OPCML: variants seen among roughly 807,000 people sequenced by gnomAD.
The protein encoded by OPCML is opioid-binding protein/cell adhesion molecule.
A neutral mutation model predicts 37.8 loss-of-function variants in OPCML; 13 were observed. The ratio of observed to expected loss-of-function variants is 0.34; its 90% CI spans 0.22 to 0.55. The LOEUF is 0.55. Among genes scored for constraint, OPCML ranks in the 20% least tolerant of loss-of-function variants. The pLI is 0.91. For missense variants in OPCML, 341 were observed against 435.6 expected (o/e 0.78, Z 1.93); for synonymous variants, 176 against 168.8 (o/e 1.04, Z -0.33).
intron 1 of OPCML, among the ~76,000 whole-genome samples, chr11:132,977,737 G>A (rs1015913582): frequency 1.3e-5 from 2 of 152,200 alleles, no homozygotes; most frequent in Non-Finnish European, 2.9e-5. Context: ...ACTTGCTAAA[G>A]TAGGGAGCAG....
chr11:132,604,612 A>G (rs78572233), intron 3 of OPCML, among the ~76,000 whole-genome samples: 2,358 of 152,330 alleles, frequency 0.015, 93 homozygotes, highest in East Asian at 0.057. Flanking sequence ...AATAAGATTT[A>G]TCCTCTTCCC....
chr11:132,485,657 C>A (rs1279681101), intron 4 of OPCML, among the ~76,000 whole-genome samples: 1 of 152,198 alleles, frequency 6.6e-6, no homozygotes, highest in Non-Finnish European at 1.5e-5. Context: ...ACTATGTAAT[C>A]TTTTGTGGCT....
At chr11:132,732,529 C>G (rs987973078) in intron 2 of OPCML, among the ~76,000 whole-genome samples, 1 of 152,098 alleles carries the variant, frequency 6.6e-6, no homozygotes, top group Non-Finnish European at 1.5e-5. Context: ...GTGGCTATAA[C>G]AGTCATCATC....
chr11:132,768,333 T>C (rs1946526188), intron 2 of OPCML, among the ~76,000 whole-genome samples: 1 of 152,108 alleles, frequency 6.6e-6, no homozygotes, highest in African/African-American at 2.4e-5. Context: ...ATTCCGTCGA[T>C]CTCTACATGA....
intron 4 of OPCML, among the ~76,000 whole-genome samples, chr11:132,445,454 G>A (rs558714949): frequency 1.3e-5 from 2 of 152,318 alleles, no homozygotes; most frequent in East Asian, 3.9e-4. Context: ...ACCGGGAAAA[G>A]TTAAAGAGGA....
intron 1 of OPCML, among the ~76,000 whole-genome samples, chr11:133,107,780 A>C (rs1949184004): frequency 6.6e-6 from 1 of 151,634 alleles, no homozygotes; most frequent in African/African-American, 2.4e-5. Flanking sequence ...CTCTCTTGAC[A>C]CTGAAGATTG....
At chr11:133,140,730 C>A (rs796185671) in intron 1 of OPCML, among the ~76,000 whole-genome samples, 4,150 of 26,512 alleles carry the variant, frequency 0.16, 209 homozygotes, top group African/African-American at 0.23. Flanking sequence ...CGGAAGACGA[C>A]GACGACGACG....
intron 1 of OPCML, among the ~76,000 whole-genome samples, chr11:133,253,859 C>CCTT: frequency 6.8e-6 from 1 of 146,094 alleles, no homozygotes; most frequent in Non-Finnish European, 1.5e-5. Flanking sequence ...CCTTCCCTTC[C>CCTT]CTTCCCTTCC....
chr11:132,674,812 T>C (rs1304261097), intron 2 of OPCML, among the ~76,000 whole-genome samples: 1 of 152,172 alleles, frequency 6.6e-6, no homozygotes, highest in East Asian at 1.9e-4. Flanking sequence ...AGTTGCAATA[T>C]CCCTCTCTAA....
intron 1 of OPCML, among the ~76,000 whole-genome samples, chr11:133,474,147 T>C (rs2137011995): frequency 6.6e-6 from 1 of 152,346 alleles, no homozygotes; most frequent in East Asian, 1.9e-4. Flanking sequence ...TCATACATAG[T>C]TATATTCTTA....
At chr11:133,213,376 G>A (rs952689968) in intron 1 of OPCML, among the ~76,000 whole-genome samples, 14 of 152,018 alleles carry the variant, frequency 9.2e-5, no homozygotes, top group African/African-American at 2.9e-4. Context: ...TAACCTCATT[G>A]CATAATGAAC....
chr11:133,091,075 T>C (rs143192805), intron 1 of OPCML, among the ~76,000 whole-genome samples: 68 of 152,290 alleles, frequency 4.5e-4, no homozygotes, highest in African/African-American at 1.6e-3. Context: ...CTAACATCTC[T>C]GTTTCTCACA....
At chr11:133,056,786 T>A (rs926767999) in intron 1 of OPCML, among the ~76,000 whole-genome samples, 1 of 152,236 alleles carries the variant, frequency 6.6e-6, no homozygotes, top group African/African-American at 2.4e-5. Flanking sequence ...ATTGTTTTCT[T>A]TGTGAAACAG....
At chr11:132,774,455 G>C (rs143101425) in intron 2 of OPCML, among the ~76,000 whole-genome samples, 1 of 152,188 alleles carries the variant, frequency 6.6e-6, no homozygotes, top group African/African-American at 2.4e-5. Flanking sequence ...ATGATGAAGT[G>C]GGACATAGTG....
intron 2 of OPCML, among the ~76,000 whole-genome samples, chr11:132,941,910 G>A (rs1013922198): frequency 1.3e-5 from 2 of 152,182 alleles, no homozygotes; most frequent in Non-Finnish European, 2.9e-5. Context: ...GGGAGGAACA[G>A]GAAGAACCCC....
At chr11:132,675,223 C>T (rs948896063) in intron 2 of OPCML, among the ~76,000 whole-genome samples, 1 of 146,794 alleles carries the variant, frequency 6.8e-6, no homozygotes, top group Non-Finnish European at 1.5e-5. Flanking sequence ...ATATATAAAA[C>T]GTTATATATG....
intron 2 of OPCML, 35 bp downstream of exon 2, chr11:132,942,891 A>G (rs760676673): frequency 6.2e-7 from 1 of 1,612,088 alleles, no homozygotes. Flanking sequence ...ACCACAGCCC[A>G]GGGGCTCGGC....
At chr11:133,433,251 C>CAAAAAAAAAAAAAAAAAAAAAAAAAAA (rs71477795) in intron 1 of OPCML, among the ~76,000 whole-genome samples, 2 of 90,718 alleles carry the variant, frequency 2.2e-5, no homozygotes, top group African/African-American at 9.2e-5. Context: ...GACTCCGTCT[C>CAAAAAAAAAAAAAAAAAAAAAAAAAAA]AAAAAAAAAA....
At chr11:132,810,629 T>G (rs1465028956) in intron 2 of OPCML, among the ~76,000 whole-genome samples, 3 of 152,114 alleles carry the variant, frequency 2.0e-5, no homozygotes, top group Non-Finnish European at 4.4e-5. Flanking sequence ...AGGTGGAGAT[T>G]GCAGTGAGCT....
Sources: gnomAD v4.1 joint callset for allele counts (sites outside exome capture counted in the v4.1 genomes callset) on GRCh38, gnomAD v4.1.1 for gene constraint, MANE v1.5 for transcripts, NCBI Gene and HGNC (gene_info 2026-07-23, HGNC 2026-07-21) for gene names.